The following RYR3 variants were observed in gnomAD, a reference collection of about 807,000 sequenced individuals.
RYR3 encodes ryanodine receptor 3.
RYR3 carries 207 observed loss-of-function variants against 584.3 expected under a neutral mutation model. The observed-to-expected ratio is 0.35, with a 90% CI of 0.32 to 0.40. The LOEUF (loss-of-function observed/expected upper bound fraction) is 0.40, where lower values mean the gene tolerates loss of function less well. Ranked by LOEUF, RYR3 falls within the 10% of genes least tolerant of loss-of-function variation. RYR3 has a pLI of 1.00. For synonymous variants in RYR3, 2,416 were observed against 2,248.5 expected (o/e 1.07, Z -2.11); for missense variants, 5,616 against 6,089.2 (o/e 0.92, Z 2.59).
chr15:33,439,674 T>G (rs1367927305), intron 1 of RYR3, among the ~76,000 whole-genome samples: 1 of 152,220 alleles, frequency 6.6e-6, no homozygotes, highest in Admixed American at 6.5e-5. Flanking sequence ...CATGGACAAG[T>G]TATTTAATCC....
In RYR3 at chr15:33,785,939, C is replaced by T; in HGVS notation, c.9546C>T (p.Asn3182=). The change falls in exon 66 of 104, where the codon AAC becomes AAT. Residue 3182 remains asparagine, a synonymous_variant. Transcript: ENST00000634891. ...ILGNILKIIN[N]NLGIDEASWM... ...GCAACATTCTGAAAATCATCAACAA[C>T]AACCTGGGCATCGATGAGGCCTCCT... 1 of 1,607,330 alleles carries T rather than the reference C, an allele frequency of 6.2e-7. No individual in the cohort carries two copies. The highest frequency in any genetic ancestry group is 1.1e-5 in the South Asian group (1 of 90,030).
At chr15:33,543,431 A>G (rs112006325) in intron 7 of RYR3, among the ~76,000 whole-genome samples, 191 bp from the exon 8 acceptor site, 4 of 152,246 alleles carry the variant, frequency 2.6e-5, no homozygotes, top group African/African-American at 9.6e-5. Flanking sequence ...AACTTTCAAC[A>G]TTAGAATTGT....
Position 33,438,235 on chromosome 15 carries a change from C to T in RYR3, c.52-35184C>T, listed in dbSNP as rs150997613. ...TATTAATTATAGTCACCATGATGTA[C>T]GGTGGATCCCCAGAACTTATTCCCC... On this transcript the variant is annotated intron_variant, in intron 1 of 103. Transcript: ENST00000634891. Among the ~76,000 whole-genome samples, 149 of 152,146 alleles carry T rather than the reference C, an allele frequency of 9.8e-4. 3 individuals are homozygous for T. In the East Asian group the frequency reaches 0.014, roughly 14 times the overall value.
At chr15:33,581,386 G>A (rs1023884929) in intron 13 of RYR3, 122 bp from the exon 14 acceptor site, 3 of 974,720 alleles carry the variant, frequency 3.1e-6, no homozygotes, top group South Asian at 3.5e-5. Flanking sequence ...GCACCATGAA[G>A]GTCTATTTGC....
chr15:33,365,068 A>G (rs917289390), intron 1 of RYR3, among the ~76,000 whole-genome samples: 11 of 152,214 alleles, frequency 7.2e-5, no homozygotes, highest in Non-Finnish European at 1.5e-5. Context: ...AGCAACATGT[A>G]GGAGCATTAC....
At chr15:33,863,189 G>T (rs1889115001) in intron 102 of RYR3, among the ~76,000 whole-genome samples, 1 of 152,126 alleles carries the variant, frequency 6.6e-6, no homozygotes, top group South Asian at 2.1e-4. Flanking sequence ...TTTTATTCGT[G>T]TTTGAGCCTC....
At chr15:33,824,333 A>C (rs1425425850) in intron 81 of RYR3, among the ~76,000 whole-genome samples, 3 of 152,230 alleles carry the variant, frequency 2.0e-5, no homozygotes, top group Non-Finnish European at 4.4e-5. Flanking sequence ...TTATGATTAT[A>C]AGAACAATAT....
chr15:33,758,363 C>T (rs1011477203), intron 60 of RYR3, among the ~76,000 whole-genome samples: 10 of 152,168 alleles, frequency 6.6e-5, no homozygotes, highest in African/African-American at 2.4e-4. Context: ...ATCCCACACC[C>T]ATGGAGCCCA....
chr15:33,550,059 G>A (rs2304381), intron 9 of RYR3, 101 bp from the exon 10 acceptor site: 252,409 of 1,227,274 alleles, frequency 0.21, 27,340 homozygotes, highest in Admixed American at 0.32. Context: ...GACACCAGAA[G>A]GGTTATAAGT....
chr15:33,511,885 T>G (rs1423084246), intron 3 of RYR3, among the ~76,000 whole-genome samples: 1 of 152,134 alleles, frequency 6.6e-6, no homozygotes, highest in African/African-American at 2.4e-5. Flanking sequence ...TTCACGCCAT[T>G]CTCCTGCCTC....
intron 39 of RYR3, 113 bp from the exon 40 acceptor site, chr15:33,697,769 C>G: frequency 1.4e-5 from 9 of 662,224 alleles, no homozygotes; most frequent in Non-Finnish European, 2.5e-5. Context: ...ATCTTTTCAG[C>G]CTGTTACTTT....
intron 75 of RYR3, among the ~76,000 whole-genome samples, chr15:33,818,040 T>C (rs1388854717): frequency 6.6e-6 from 1 of 152,168 alleles, no homozygotes; most frequent in African/African-American, 2.4e-5. Flanking sequence ...AACAAGAATT[T>C]TAGAATCAAG....
intron 69 of RYR3, among the ~76,000 whole-genome samples, chr15:33,807,260 A>G (rs2076260283): frequency 6.6e-6 from 1 of 152,166 alleles, no homozygotes; most frequent in Admixed American, 6.5e-5. Context: ...AGAACTCTCT[A>G]GATCTAAAGA....
chr15:33,742,354 C>A lies in RYR3; in HGVS notation c.7821-12C>A. 6.3e-7 allele frequency: 1 copy of A among 1,597,274 alleles called. No individual in the cohort carries two copies. The highest frequency in any genetic ancestry group is 8.6e-7 in the Non-Finnish European group (1 of 1,165,014). On this transcript the variant is annotated splice_polypyrimidine_tract_variant and intron_variant, in intron 51 of 103. Coordinates refer to ENST00000634891, the MANE Select transcript of RYR3 (RefSeq NM_001036.6). ...CTTGGGGAGGTTGTAATTTTTTTTC[C>A]TCATTTCACAGTTTTTCCTTGCCTG...
At chr15:33,476,926 T>G (rs1205972932) in intron 2 of RYR3, among the ~76,000 whole-genome samples, 1 of 152,226 alleles carries the variant, frequency 6.6e-6, no homozygotes, top group African/African-American at 2.4e-5. Context: ...TCCAAGAGCT[T>G]CATTCTTTCC....
chr15:33,530,756 C>T, intron 4 of RYR3, 90 bp downstream of exon 4: 1 of 917,962 alleles, frequency 1.1e-6, no homozygotes, highest in Non-Finnish European at 1.8e-6. Context: ...AACAACGTAA[C>T]AGCAGGAACA....
intron 49 of RYR3, among the ~76,000 whole-genome samples, chr15:33,736,647 G>C (rs530153421): frequency 1.3e-5 from 2 of 152,252 alleles, no homozygotes; most frequent in African/African-American, 4.8e-5. Context: ...AAGCTTTGAA[G>C]GCCCTGTGGT....
At position 33,669,394 on chromosome 15, in the gene RYR3, C is replaced by G; in HGVS notation, c.5660C>G (p.Pro1887Arg). The part of the protein sequence containing the change: ...LLNFQLGENC[P>R]CPEEIREELY... ...AACTTTCAACTGGGAGAGAACTGCC[C>G]CTGCCCAGAGGAGATTCGGGAGGAG... Residue 1887 changes from proline (P) to arginine (R), a missense_variant, in exon 37 of 104, where the codon CCC becomes CGC. Pro to Arg is a moderately radical substitution (Grantham distance 103). Transcript: ENST00000634891. The G allele has an allele frequency of 6.2e-7, 1 of 1,613,932 alleles. No individual in the cohort carries two copies.
intron 1 of RYR3, among the ~76,000 whole-genome samples, chr15:33,449,515 A>C (rs2046936293): frequency 6.6e-6 from 1 of 152,218 alleles, no homozygotes; most frequent in African/African-American, 2.4e-5. Flanking sequence ...ACTGAAGGCT[A>C]TTCAAGAGGT....
Sources: gnomAD v4.1 joint callset for allele counts (sites outside exome capture counted in the v4.1 genomes callset) on GRCh38, gnomAD v4.1.1 for gene constraint, MANE v1.5 for transcripts, NCBI Gene and HGNC (gene_info 2026-07-23, HGNC 2026-07-21) for gene names.